Variants in GNA12 observed in about 807,000 individuals in gnomAD.
The protein encoded by GNA12 is guanine nucleotide-binding protein subunit alpha-12.
Under a neutral mutation model 26.0 loss-of-function variants are expected in GNA12, and 9 were observed. That is an observed-to-expected ratio of 0.35 (90% CI 0.21 to 0.60). The LOEUF (loss-of-function observed/expected upper bound fraction) is 0.60, where lower values mean the gene tolerates loss of function less well. Among genes scored for constraint, GNA12 ranks in the 20% least tolerant of loss-of-function variants. The pLI, the probability that GNA12 is intolerant of heterozygous loss-of-function variation, is 0.78. For missense variants in GNA12, 405 were observed against 525.8 expected, an observed-to-expected ratio of 0.77 and a Z score of 2.25; for synonymous variants, 264 against 219.6, an observed-to-expected ratio of 1.20 and a Z score of -1.79.
At chr7:2,750,796 G>A (rs902542633) in intron 2 of GNA12, among the ~76,000 whole-genome samples, 3 of 152,218 alleles carry the variant, frequency 2.0e-5, no homozygotes, top group African/African-American at 7.2e-5. Flanking sequence ...AACACAGTGT[G>A]AAGTTACAAA....
At chr7:2,781,691 G>C (rs1465227035) in intron 2 of GNA12, among the ~76,000 whole-genome samples, 1 of 151,976 alleles carries the variant, frequency 6.6e-6, no homozygotes, top group Non-Finnish European at 1.5e-5. Context: ...AAAATGTAAA[G>C]AACAATCTTA....
At chr7:2,815,123 C>T in intron 1 of GNA12, 2 of 842,604 alleles carry the variant, frequency 2.4e-6, no homozygotes, top group Non-Finnish European at 3.5e-6. Flanking sequence ...ATGAGGCTTC[C>T]AAGCTCACTG....
intron 1 of GNA12, among the ~76,000 whole-genome samples, chr7:2,816,326 G>C (rs1562443357): frequency 6.6e-6 from 1 of 151,428 alleles, no homozygotes. Flanking sequence ...CACCTCCCTA[G>C]TTCAAGCGAT....
intron 2 of GNA12, among the ~76,000 whole-genome samples, chr7:2,767,051 C>T (rs1250256667): frequency 6.6e-6 from 1 of 152,236 alleles, no homozygotes. Flanking sequence ...GAGAACTGTC[C>T]ATTCAAGCCC....
chr7:2,795,091 T>C lies in GNA12; in HGVS notation c.362A>G (p.Tyr121Cys). 2.5e-6 allele frequency: 4 copies of C among 1,613,926 alleles called. No individual in the cohort carries two copies. Among genetic ancestry groups the C allele is most frequent in the Non-Finnish European group, 3.4e-6 (4 of 1,179,868 alleles). Residue 121 changes from tyrosine to cysteine, a missense_variant, in exon 2 of 4, where the codon TAT (tyrosine) becomes TGT (cysteine). By Grantham distance (194) the Tyr-to-Cys change is radical (BLOSUM62 -2). Coordinates refer to ENST00000275364, the MANE Select transcript of GNA12 (RefSeq NM_007353.3). ...CATCCCATGCTTCTCATTTTCAGAATACTGCCAAGGAATGCCAAGCTTATC... is the reference window on the plus strand; with the variant it reads ...CATCCCATGCTTCTCATTTTCAGAACACTGCCAAGGAATGCCAAGCTTATC... ...ARDKLGIPWQYSENEKHGMFL... is the reference protein window; with the variant it reads ...ARDKLGIPWQCSENEKHGMFL...
At chr7:2,809,818 A>T (rs2115479627) in intron 1 of GNA12, among the ~76,000 whole-genome samples, 1 of 152,364 alleles carries the variant, frequency 6.6e-6, no homozygotes, top group South Asian at 2.1e-4. Flanking sequence ...AAATGTAAAT[A>T]TTACTTAGTA....
intron 2 of GNA12, among the ~76,000 whole-genome samples, chr7:2,794,122 G>A (rs190630690): frequency 1.3e-5 from 2 of 152,216 alleles, no homozygotes; most frequent in East Asian, 1.9e-4. Flanking sequence ...TGACTTATAT[G>A]AAGGTTAAGA....
intron 2 of GNA12, among the ~76,000 whole-genome samples, chr7:2,779,067 A>T (rs530905039): frequency 6.6e-6 from 1 of 152,264 alleles, no homozygotes; most frequent in South Asian, 2.1e-4. Flanking sequence ...AATAAAATTA[A>T]ATTAGCTGAG....
intron 2 of GNA12, chr7:2,762,705 G>A (rs1791620667): frequency 6.4e-7 from 1 of 1,569,162 alleles, no homozygotes; most frequent in Non-Finnish European, 8.6e-7. Flanking sequence ...GGGTGGAGGA[G>A]CGCCAGAGGG....
chr7:2,819,715 C>A (rs904347395), intron 1 of GNA12, among the ~76,000 whole-genome samples: 1 of 152,144 alleles, frequency 6.6e-6, no homozygotes, highest in African/African-American at 2.4e-5. Flanking sequence ...AAACCGAAAA[C>A]GGGATGGCTG....
intron 2 of GNA12, among the ~76,000 whole-genome samples, chr7:2,766,301 T>A (rs1453526921): frequency 6.6e-6 from 1 of 152,220 alleles, no homozygotes; most frequent in Non-Finnish European, 1.5e-5. Flanking sequence ...TCTTTCCTTT[T>A]TAAGGCTGGC....
intron 2 of GNA12, among the ~76,000 whole-genome samples, chr7:2,774,258 CACAT>C (rs1010358271): frequency 6.6e-6 from 1 of 152,102 alleles, no homozygotes; most frequent in Non-Finnish European, 1.5e-5. Context: ...CATATATACA[CACAT>C]GCATGCATAT....
chr7:2,786,284 C>T (rs1169483884), intron 2 of GNA12, among the ~76,000 whole-genome samples: 5 of 152,070 alleles, frequency 3.3e-5, no homozygotes, highest in African/African-American at 9.7e-5. Flanking sequence ...ATCTGTGTAA[C>T]TTCCTGTGAA....
chr7:2,831,910 T>C (rs557021577), intron 1 of GNA12, among the ~76,000 whole-genome samples: 7 of 152,168 alleles, frequency 4.6e-5, no homozygotes, highest in Non-Finnish European at 8.8e-5. Context: ...GGTGAGACTT[T>C]AAGTAATGAC....
chr7:2,739,595 G>A (rs1306253873), intron 2 of GNA12, among the ~76,000 whole-genome samples: 1 of 152,212 alleles, frequency 6.6e-6, no homozygotes, highest in African/African-American at 2.4e-5. Context: ...GCTACAAACA[G>A]CTGTGTGGAA....
At chr7:2,754,655 A>G (rs1159053836) in intron 2 of GNA12, among the ~76,000 whole-genome samples, 1 of 152,062 alleles carries the variant, frequency 6.6e-6, no homozygotes, top group Admixed American at 6.6e-5. Flanking sequence ...AGGCTGGGAC[A>G]AGAGGACTGC....
intron 1 of GNA12, among the ~76,000 whole-genome samples, chr7:2,839,619 A>G (rs187371516): frequency 1.2e-4 from 19 of 152,294 alleles, no homozygotes; most frequent in African/African-American, 4.3e-4. Flanking sequence ...CCTGGGTTCA[A>G]GCAATCTGCC....
chr7:2,830,255 CT>C (rs995784238), intron 1 of GNA12, among the ~76,000 whole-genome samples: 36 of 152,164 alleles, frequency 2.4e-4, no homozygotes, highest in Admixed American at 8.5e-4. Context: ...TTCTTTTTGC[CT>C]TGGGTGCTGT....
chr7:2,769,345 A>G (rs1238961586), intron 2 of GNA12, among the ~76,000 whole-genome samples: 1 of 152,208 alleles, frequency 6.6e-6, no homozygotes, highest in Admixed American at 6.5e-5. Flanking sequence ...CCTCATGCAC[A>G]CCACTTCTGG....
Sources: gnomAD v4.1 joint callset for allele counts (sites outside exome capture counted in the v4.1 genomes callset) on GRCh38, gnomAD v4.1.1 for gene constraint, MANE v1.5 for transcripts, NCBI Gene and HGNC (gene_info 2026-07-23, HGNC 2026-07-21) for gene names.